Variants in ORC6 observed in about 807,000 individuals in gnomAD.
ORC6 encodes origin recognition complex, subunit 6 homolog-like (yeast).
ORC6 carries 31 observed loss-of-function variants against 30.0 expected under a neutral mutation model. The ratio of observed to expected loss-of-function variants is 1.03; its 90% CI spans 0.78 to 1.40. The LOEUF is 1.40. Ranked by LOEUF, ORC6 falls within the 40% of genes most tolerant of loss-of-function variation. The probability of loss-of-function intolerance (pLI) is 0.00; values close to 1 mark genes in which losing one functional copy is unlikely to be tolerated. For missense variants in ORC6, 340 were observed against 304.3 expected (o/e 1.12, Z -0.87); for synonymous variants, 136 against 111.2 (o/e 1.22, Z -1.40).
intron 2 of ORC6, among the ~76,000 whole-genome samples, chr16:46,691,958 A>ACACACACACACACTCT: frequency 5.5e-5 from 2 of 36,660 alleles, no homozygotes; most frequent in African/African-American, 9.6e-5. Flanking sequence ...ACACACACAC[A>ACACACACACACACTCT]CTCTCTCTCT....
intron 3 of ORC6, 77 bp downstream of exon 3, chr16:46,692,622 C>G (rs1966459419): frequency 1.5e-6 from 2 of 1,358,694 alleles, no homozygotes; most frequent in East Asian, 4.7e-5. Context: ...GTAATCCCAG[C>G]ACTTTGGGAG....
At chr16:46,690,157 T>C (rs1308642282) in intron 1 of ORC6, among the ~76,000 whole-genome samples, 1 of 152,182 alleles carries the variant, frequency 6.6e-6, no homozygotes, top group African/African-American at 2.4e-5. Flanking sequence ...CGGGCAATGC[T>C]CCTGAGCCAC....
intron 3 of ORC6, 46 bp downstream of exon 3, chr16:46,692,591 C>T (rs377037689): frequency 2.2e-4 from 335 of 1,551,880 alleles, no homozygotes; most frequent in South Asian, 7.5e-4. Context: ...ACCAATAGGC[C>T]GGGCGTGGTG....
chr16:46,697,603 G>C lies in ORC6; in HGVS notation c.*18G>C, dbSNP rs756463300. 9 of 1,613,080 alleles carry C rather than the reference G, an allele frequency of 5.6e-6. No individual in the cohort carries two copies. Among genetic ancestry groups the C allele is most frequent in the African/African-American group, 1.3e-5 (1 of 74,892 alleles). ...CAGAGTGATTTCAGCTTCCAAACTGGTATACATTCCAAACTGATAGTACAT... is the reference window on the plus strand; with the variant it reads ...CAGAGTGATTTCAGCTTCCAAACTGCTATACATTCCAAACTGATAGTACAT... On this transcript the variant is annotated 3_prime_UTR_variant, in exon 7 of 7. Coordinates refer to ENST00000219097, the MANE Select transcript of ORC6 (RefSeq NM_014321.4).
rs1161783276 is a variant in ORC6 at position 46,693,083 on chromosome 16, TCTC to T, written c.360-7_360-5del. ...TCTAACAGATAATTCTGCAATAACT[TCTC>T]CTTTAGCTATGAGTCCAGTCTTCCC... On this transcript the variant is annotated splice_region_variant and splice_polypyrimidine_tract_variant and intron_variant, in intron 3 of 6. Coordinates refer to ENST00000219097, the MANE Select transcript of ORC6 (RefSeq NM_014321.4). The T allele has an allele frequency of 6.4e-7, 1 of 1,565,730 alleles. No individual in the cohort carries two copies. The highest frequency in any genetic ancestry group is 1.7e-5 in the Admixed American group (1 of 59,954).
Position 46,689,672 on chromosome 16 carries a change from G to T in ORC6, c.-34G>T, listed in dbSNP as rs777242826. On this transcript the variant is annotated 5_prime_UTR_variant, in exon 1 of 7. Coordinates refer to ENST00000219097, the MANE Select transcript of ORC6 (RefSeq NM_014321.4). ...CGCGCGGGTTTCGTTGACCCGCGGC[G>T]TTCACGGGAATTGTTCGCTTTAGTG... 1.3e-6 allele frequency: 2 copies of T among 1,585,854 alleles called. No homozygotes were observed. The highest frequency in any genetic ancestry group is 1.8e-5 in the Admixed American group (1 of 56,000).
chr16:46,697,118 C>T (rs1318452965), intron 6 of ORC6, among the ~76,000 whole-genome samples: 1 of 152,080 alleles, frequency 6.6e-6, no homozygotes, highest in Non-Finnish European at 1.5e-5. Context: ...CAGTTAAGTG[C>T]TTGATAGACG....
chr16:46,695,822 C>G (rs567069475), intron 5 of ORC6, 148 bp downstream of exon 5: 2 of 754,626 alleles, frequency 2.7e-6, no homozygotes, highest in Non-Finnish European at 4.7e-6. Flanking sequence ...TGTTTCTAAC[C>G]TATGATTCCA....
chr16:46,695,374 T>C, intron 4 of ORC6, 188 bp from the exon 5 acceptor site: 1 of 595,334 alleles, frequency 1.7e-6, no homozygotes, highest in Non-Finnish European at 3.0e-6. Context: ...CCCATGTGCA[T>C]TTTAACTCTC....
chr16:46,694,657 T>C (rs1966500080), intron 4 of ORC6: 1 of 147,798 alleles, frequency 6.8e-6, no homozygotes, highest in Non-Finnish European at 1.5e-5. Context: ...CCCACAACAC[T>C]GTCTCTTAAA....
intron 4 of ORC6, chr16:46,694,485 G>T (rs1218263385): frequency 4.2e-5 from 6 of 143,584 alleles, no homozygotes; most frequent in African/African-American, 1.5e-4. Flanking sequence ...GGCCGGGCGG[G>T]GGGGCTGACC....
At chr16:46,695,965 A>G (rs750564628) in intron 5 of ORC6, 52 bp from the exon 6 acceptor site, 6 of 1,304,370 alleles carry the variant, frequency 4.6e-6, no homozygotes, top group African/African-American at 1.4e-5. Context: ...ACATGCCCAA[A>G]TACTGAAATT....
chr16:46,690,937 G>A, intron 1 of ORC6, 54 bp from the exon 2 acceptor site: 2 of 1,601,538 alleles, frequency 1.2e-6, no homozygotes, highest in East Asian at 2.2e-5. Context: ...GTTTACCAAC[G>A]TGTTGAGCAA....
rs1238246693 is a variant in ORC6, at chr16:46,692,556, T to C, written c.359+11T>C. On this transcript the variant is annotated intron_variant, in intron 3 of 6. Coordinates refer to ENST00000219097, the MANE Select transcript of ORC6 (RefSeq NM_014321.4). ...AAAGATACTAAAAAGGTATGGGGCATAGAGAACCTTAATTGAAAATGTATA... is the reference window on the plus strand; with the variant it reads ...AAAGATACTAAAAAGGTATGGGGCACAGAGAACCTTAATTGAAAATGTATA... 1.2e-6 allele frequency: 2 copies of C among 1,610,270 alleles called. No individual in the cohort carries two copies. Among genetic ancestry groups the C allele is most frequent in the Non-Finnish European group, 1.7e-6 (2 of 1,177,048 alleles).
intron 4 of ORC6, among the ~76,000 whole-genome samples, chr16:46,694,679 AC>A (rs1322064083): frequency 1.3e-5 from 2 of 151,868 alleles, no homozygotes; most frequent in East Asian, 3.9e-4. Flanking sequence ...AAAAAACAAA[AC>A]ACTGGCTACA....
rs1211921348 is a variant in ORC6 at position 46,689,772 on chromosome 16, T to C, written c.65+2T>C. ...CCTCGCCGAGCCCGACATGCTGAGG[T>C]GAGTTCGGCCGCGCAAGACCAGGGC... On this transcript the variant is annotated splice_donor_variant, in intron 1 of 6. Transcript: ENST00000219097. LOFTEE classifies it high-confidence loss of function. 4 of 1,592,604 alleles carry C rather than the reference T, an allele frequency of 2.5e-6. No individual in the cohort carries two copies. The East Asian group carries it at 9.0e-5, about 36-fold the overall frequency.
chr16:46,697,799 A>G lies in ORC6; in HGVS notation c.*214A>G, dbSNP rs1966535408. The G allele has an allele frequency of 3.1e-6, 2 of 654,930 alleles. No homozygotes were observed. Among genetic ancestry groups the G allele is most frequent in the Non-Finnish European group, 5.6e-6 (2 of 357,230 alleles). The allele number at this position is 654,930 out of a possible 1,614,324, so 40.6% of individuals were successfully genotyped here. On this transcript the variant is annotated 3_prime_UTR_variant, in exon 7 of 7. Coordinates refer to ENST00000219097, the MANE Select transcript of ORC6 (RefSeq NM_014321.4). ...ACCAGCCACAGTGCCTGATTGGTAT[A>G]GCCTTATGTGCTTTCCTACAAAATG...
rs528887240 is a variant in ORC6 at position 46,695,770 on chromosome 16, C to T, written c.562+96C>T. 18 of 847,168 alleles carry T rather than the reference C, an allele frequency of 2.1e-5. No homozygotes were observed. In the African/African-American group the frequency reaches 2.7e-4, roughly 13 times the overall value. 52.5% of individuals were successfully genotyped at this position (847,168 alleles called of 1,614,324 possible). A position where few individuals can be genotyped will look rare whatever the true frequency, so the allele number is the denominator to read the frequency against. On this transcript the variant is annotated intron_variant, in intron 5 of 6. Coordinates refer to ENST00000219097, the MANE Select transcript of ORC6 (RefSeq NM_014321.4). ...TTCAAATATGTAAACTGGCTGCTTCCTAAATTCCGTATTACATGTGGACCA... is the reference window on the plus strand; with the variant it reads ...TTCAAATATGTAAACTGGCTGCTTCTTAAATTCCGTATTACATGTGGACCA...
At chr16:46,693,349 G>A (rs1392101592) in intron 4 of ORC6, 167 bp downstream of exon 4, 2 of 630,110 alleles carry the variant, frequency 3.2e-6, no homozygotes, top group Admixed American at 4.9e-5. Flanking sequence ...ATCCCATAAT[G>A]TAGCTAACAA....
Sources: allele counts gnomAD v4.1 joint callset (sites outside exome capture counted in the v4.1 genomes callset), GRCh38; gene constraint gnomAD v4.1.1; transcripts MANE v1.5; gene names NCBI Gene and HGNC (gene_info 2026-07-23, HGNC 2026-07-21).